DMGDH: variants seen among roughly 807,000 people sequenced by gnomAD.
DMGDH encodes dimethylglycine dehydrogenase, mitochondrial.
Under a neutral mutation model 95.2 loss-of-function variants are expected in DMGDH, and 76 were observed. The ratio of observed to expected loss-of-function variants is 0.80; its 90% CI spans 0.66 to 0.97. The LOEUF (loss-of-function observed/expected upper bound fraction) is 0.97. Among genes scored for constraint, DMGDH ranks in the 50% least tolerant of loss-of-function variants. The probability of loss-of-function intolerance (pLI) is 0.00; values close to 1 mark genes in which losing one functional copy is unlikely to be tolerated. For missense variants in DMGDH, 987 were observed against 1,055.0 expected, an observed-to-expected ratio of 0.94 and a Z score of 0.89; for synonymous variants, 345 against 377.6, an observed-to-expected ratio of 0.91 and a Z score of 1.00.
At chr5:79,058,199 A>G (rs868183038) in intron 2 of DMGDH, among the ~76,000 whole-genome samples, 13 of 152,070 alleles carry the variant, frequency 8.5e-5, no homozygotes, top group Non-Finnish European at 1.3e-4. Flanking sequence ...TATGGACTCA[A>G]TTTTCTCACT....
At chr5:79,016,266 G>GA (rs1212097055) in intron 14 of DMGDH, among the ~76,000 whole-genome samples, 6 of 150,284 alleles carry the variant, frequency 4.0e-5, no homozygotes, top group African/African-American at 1.2e-4. Flanking sequence ...GCAAGAAAAA[G>GA]AAAAAAAAGA....
intron 14 of DMGDH, among the ~76,000 whole-genome samples, chr5:79,016,296 A>G (rs2112607489): frequency 6.6e-6 from 1 of 151,976 alleles, no homozygotes; most frequent in African/African-American, 2.4e-5. Flanking sequence ...TAGAAAAGAC[A>G]AAGAAAAGCT....
intron 14 of DMGDH, chr5:79,021,633 T>C (rs1580192331): frequency 7.6e-7 from 1 of 1,318,372 alleles, no homozygotes; most frequent in East Asian, 4.8e-5. Flanking sequence ...GCCCATCTGC[T>C]CACCCAGCCA....
At chr5:79,061,664 A>C (rs1397938414) in intron 2 of DMGDH, among the ~76,000 whole-genome samples, 1 of 152,138 alleles carries the variant, frequency 6.6e-6, no homozygotes, top group Non-Finnish European at 1.5e-5. Flanking sequence ...TCATGCCTGT[A>C]ATTCTAAAGT....
intron 15 of DMGDH, 142 bp from the exon 16 acceptor site, chr5:78,998,439 G>A: frequency 1.4e-6 from 1 of 732,082 alleles, no homozygotes; most frequent in South Asian, 1.6e-5. Context: ...CAACGCCAGA[G>A]ACACAGGAGG....
chr5:79,028,976 C>T (rs3797539), intron 11 of DMGDH, among the ~76,000 whole-genome samples: 1 of 151,956 alleles, frequency 6.6e-6, no homozygotes, highest in South Asian at 2.1e-4. Context: ...TTCAGCCTTG[C>T]AAAATTAATT....
At chr5:79,011,585 A>G (rs1457212110) in intron 14 of DMGDH, among the ~76,000 whole-genome samples, 4 of 152,230 alleles carry the variant, frequency 2.6e-5, no homozygotes, top group Non-Finnish European at 4.4e-5. Flanking sequence ...TAAAGAAAAG[A>G]GATTTAATTG....
At chr5:79,042,559 T>C in intron 6 of DMGDH, 78 bp from the exon 7 acceptor site, 1 of 1,404,880 alleles carries the variant, frequency 7.1e-7, no homozygotes, top group Non-Finnish European at 1.0e-6. Context: ...GCCTCTGACA[T>C]GGCCTACATT....
chr5:79,040,636 G>A (rs998831906), intron 7 of DMGDH, among the ~76,000 whole-genome samples: 2 of 152,112 alleles, frequency 1.3e-5, no homozygotes, highest in Non-Finnish European at 2.9e-5. Context: ...AAAAAGTTTT[G>A]TATTTCAATG....
chr5:78,999,601 G>A (rs1029003850), intron 15 of DMGDH, among the ~76,000 whole-genome samples: 1 of 152,166 alleles, frequency 6.6e-6, no homozygotes, highest in Non-Finnish European at 1.5e-5. Flanking sequence ...CCAAAGTGCT[G>A]GGATTACAGG....
intron 7 of DMGDH, among the ~76,000 whole-genome samples, chr5:79,038,652 A>G (rs1338691334): frequency 1.3e-5 from 2 of 152,182 alleles, no homozygotes; most frequent in East Asian, 3.9e-4. Flanking sequence ...AGTTCCTGAC[A>G]CAGAATTCAT....
intron 14 of DMGDH, among the ~76,000 whole-genome samples, chr5:79,017,823 C>G (rs1753767552): frequency 6.6e-6 from 1 of 152,098 alleles, no homozygotes; most frequent in African/African-American, 2.4e-5. Context: ...ATGCAAAACC[C>G]AACTTTTTCT....
In DMGDH at chr5:79,021,610, A is replaced by G. The variant is rs560098582; in HGVS notation, c.2250+2661T>C. On this transcript the variant is annotated intron_variant, in intron 14 of 15. Coordinates refer to ENST00000255189, the MANE Select transcript of DMGDH (RefSeq NM_013391.3). ...TTTGACAAGAACACGATTCACCCTA[A>G]TAAGGCCTGATGGCCCATCTGCTCA... 2.4e-4 allele frequency: 311 copies of G among 1,313,556 alleles called. 3 individuals carry two copies. In the South Asian group the frequency reaches 2.9e-3, roughly 12 times the overall value. 81.4% of individuals were successfully genotyped at this position (1,313,556 alleles called of 1,614,324 possible).
At chr5:79,023,557 G>A (rs1473499455) in intron 14 of DMGDH, among the ~76,000 whole-genome samples, 1 of 152,196 alleles carries the variant, frequency 6.6e-6, no homozygotes, top group Non-Finnish European at 1.5e-5. Flanking sequence ...CTGACTCCCA[G>A]AGATTCTGAT....
intron 14 of DMGDH, among the ~76,000 whole-genome samples, chr5:79,007,246 T>C (rs961989050): frequency 2.6e-5 from 4 of 152,234 alleles, no homozygotes; most frequent in African/African-American, 7.2e-5. Flanking sequence ...GAGTTGACCC[T>C]TGAACAATAC....
At chr5:79,021,535 GAA>G (rs1753866264) in intron 14 of DMGDH, 3 of 1,284,022 alleles carry the variant, frequency 2.3e-6, no homozygotes, top group South Asian at 2.5e-5. Flanking sequence ...CCTTTGTGAT[GAA>G]AGAGTTCTTC....
chr5:79,019,914 CGATA>C lies in DMGDH; in HGVS notation c.2250+4353_2250+4356del, dbSNP rs112951167. On this transcript the variant is annotated intron_variant, in intron 14 of 15. Transcript: ENST00000255189. ...AAAATAGTTAGATAGACAGATAGAT[CGATA>C]GATAGATAGATAGTTGGGCTCCACC... Among the ~76,000 whole-genome samples the C allele has an allele frequency of 6.9e-3, 1,051 of 152,002 alleles. 13 individuals are homozygous for C. The highest frequency in any genetic ancestry group is 0.024 in the African/African-American group (995 of 41,488).
At chr5:79,060,896 A>AGTG (rs1250943759) in intron 2 of DMGDH, among the ~76,000 whole-genome samples, 1 of 147,340 alleles carries the variant, frequency 6.8e-6, no homozygotes, top group African/African-American at 2.5e-5. Flanking sequence ...CCAGCCTGGC[A>AGTG]ACAGAGTGAG....
chr5:79,011,651 T>C (rs1753649363), intron 14 of DMGDH, among the ~76,000 whole-genome samples: 1 of 152,180 alleles, frequency 6.6e-6, no homozygotes, highest in Non-Finnish European at 1.5e-5. Context: ...GCTTGGCTTC[T>C]GAGGAGACCT....
Sources: allele counts gnomAD v4.1 joint callset (sites outside exome capture counted in the v4.1 genomes callset), GRCh38; gene constraint gnomAD v4.1.1; transcripts MANE v1.5; gene names NCBI Gene and HGNC (gene_info 2026-07-23, HGNC 2026-07-21).